SCUBE1: variants seen among roughly 807,000 people sequenced by gnomAD.
SCUBE1 encodes the protein signal peptide, CUB and EGF-like domain-containing protein 1.
Under a neutral mutation model 124.4 loss-of-function variants are expected in SCUBE1, and 59 were observed. That is an observed-to-expected ratio of 0.47 (90% CI 0.38 to 0.59). The LOEUF (loss-of-function observed/expected upper bound fraction) is 0.59, where lower values mean the gene tolerates loss of function less well. Among genes scored for constraint, SCUBE1 ranks in the 20% least tolerant of loss-of-function variants. The probability of loss-of-function intolerance (pLI) is 0.00; values close to 1 mark genes in which losing one functional copy is unlikely to be tolerated. For synonymous variants in SCUBE1, 545 were observed against 550.9 expected, an observed-to-expected ratio of 0.99 and a Z score of 0.15; for missense variants, 1,150 against 1,371.2, an observed-to-expected ratio of 0.84 and a Z score of 2.55.
chr22:43,246,326 G>A (rs534348778), intron 6 of SCUBE1, among the ~76,000 whole-genome samples: 1 of 152,306 alleles, frequency 6.6e-6, no homozygotes, highest in African/African-American at 2.4e-5. Flanking sequence ...CGTGCCCCAG[G>A]AGGCTTGGAG....
intron 8 of SCUBE1, 63 bp from the exon 9 acceptor site, chr22:43,229,251 C>T (rs1260858754): frequency 1.9e-6 from 2 of 1,063,050 alleles, no homozygotes; most frequent in East Asian, 2.4e-5. Context: ...GTGGGCACGG[C>T]CTGTCACTCT....
chr22:43,210,939 T>G lies in SCUBE1; in HGVS notation c.2366A>C (p.Asn789Thr), dbSNP rs753926942. Residue 789 changes from asparagine to threonine, a missense_variant, in exon 18 of 22, where the codon AAC (asparagine) becomes ACC (threonine). By Grantham distance (65) the Asn-to-Thr change is moderately conservative. Around this residue, in one of 3 missense-constraint regions of SCUBE1, gnomAD observed 757 missense variants for 840.9 expected, o/e 0.90. Coordinates refer to ENST00000360835, the MANE Select transcript of SCUBE1 (RefSeq NM_173050.5). The surrounding 1 kb of genome is among the most constrained non-coding windows in gnomAD (Gnocchi z 4.5). ...GCACCCACTTTTGCAGTGTGTGACG[T>G]TGGTGGAGCCATCGAAGTCTGTGCT... ...NTSTDFDGST[N>T]VTHCKNQHCG... is the part of the protein sequence containing the mutation. The G allele has an allele frequency of 1.2e-6, 2 of 1,612,992 alleles. No individual in the cohort carries two copies. Among genetic ancestry groups the G allele is most frequent in the Non-Finnish European group, 1.7e-6 (2 of 1,179,474 alleles).
chr22:43,321,037 C>T (rs1926527635), intron 2 of SCUBE1, among the ~76,000 whole-genome samples: 1 of 152,212 alleles, frequency 6.6e-6, no homozygotes, highest in Admixed American at 6.5e-5. Context: ...TCACCCTGAC[C>T]TCCAGAGGCT....
intron 6 of SCUBE1, among the ~76,000 whole-genome samples, chr22:43,257,875 C>T (rs1442509224): frequency 6.6e-6 from 1 of 152,204 alleles, no homozygotes; most frequent in Non-Finnish European, 1.5e-5. Context: ...GGTGCATACA[C>T]CTCCCTTCTC....
At chr22:43,261,025 C>T (rs1923852168) in intron 5 of SCUBE1, among the ~76,000 whole-genome samples, 1 of 152,274 alleles carries the variant, frequency 6.6e-6, no homozygotes, top group South Asian at 2.1e-4. Context: ...CCAGTTGGAG[C>T]AGGCCCTCGG....
At chr22:43,205,310 C>G (rs561947913) in intron 21 of SCUBE1, among the ~76,000 whole-genome samples, 1 of 152,074 alleles carries the variant, frequency 6.6e-6, no homozygotes, top group African/African-American at 2.4e-5. Context: ...GATGCAGTCC[C>G]CGCCCTCTCT....
intron 4 of SCUBE1, among the ~76,000 whole-genome samples, chr22:43,290,417 T>C (rs1925314056): frequency 6.6e-6 from 1 of 152,258 alleles, no homozygotes; most frequent in African/African-American, 2.4e-5. Flanking sequence ...ATCTGACCAC[T>C]GATGCCGTAA....
chr22:43,293,230 C>T (rs1925435610), intron 3 of SCUBE1, among the ~76,000 whole-genome samples: 1 of 152,262 alleles, frequency 6.6e-6, no homozygotes, highest in Non-Finnish European at 1.5e-5. Context: ...ACAAAGCAAA[C>T]ATCTGTGAGT....
At chr22:43,259,508 C>A (rs953208920) in intron 5 of SCUBE1, among the ~76,000 whole-genome samples, 3 of 152,196 alleles carry the variant, frequency 2.0e-5, no homozygotes, top group African/African-American at 7.2e-5. Context: ...AGAGGGAAGT[C>A]AACTGGTGGC....
intron 6 of SCUBE1, among the ~76,000 whole-genome samples, chr22:43,239,406 C>T (rs1388243822): frequency 6.6e-6 from 1 of 152,256 alleles, no homozygotes; most frequent in Non-Finnish European, 1.5e-5. Flanking sequence ...TACAGACTGG[C>T]TTGTGGCCCC....
chr22:43,291,032 T>C lies in SCUBE1; in HGVS notation c.484+14A>G, dbSNP rs749042162. 21 of 1,586,866 alleles carry C rather than the reference T, an allele frequency of 1.3e-5. No individual in the cohort carries two copies. The highest frequency in any genetic ancestry group is 1.7e-5 in the Non-Finnish European group (20 of 1,161,130). ...TGGGGGGGGACATGCCTGGTCAGCA[T>C]AGGCTGTACTCACCATTGGAGCGGT... On this transcript the variant is annotated intron_variant, in intron 4 of 21. Coordinates refer to ENST00000360835, the MANE Select transcript of SCUBE1 (RefSeq NM_173050.5).
intron 4 of SCUBE1, among the ~76,000 whole-genome samples, chr22:43,284,544 A>G (rs904097908): frequency 6.6e-6 from 1 of 152,252 alleles, no homozygotes; most frequent in African/African-American, 2.4e-5. Flanking sequence ...TCAGGCAGTC[A>G]GGAGCCCAGG....
chr22:43,303,332 C>T (rs1184659999), intron 3 of SCUBE1, among the ~76,000 whole-genome samples: 1 of 152,278 alleles, frequency 6.6e-6, no homozygotes, highest in African/African-American at 2.4e-5. Context: ...ATACCCTGAT[C>T]CCAGCCGCTT....
chr22:43,270,571 T>C (rs1924255877), intron 4 of SCUBE1: 1 of 152,260 alleles, frequency 6.6e-6, no homozygotes, highest in South Asian at 2.1e-4. Flanking sequence ...GCCGGGAACA[T>C]ACCCTGCAAA....
chr22:43,304,077 T>A (rs1925874654), intron 3 of SCUBE1, among the ~76,000 whole-genome samples: 1 of 152,190 alleles, frequency 6.6e-6, no homozygotes, highest in Non-Finnish European at 1.5e-5. Flanking sequence ...TTTAAGGGAT[T>A]ATTGCCTTCA....
At chr22:43,226,432 G>GT (rs564397777) in intron 10 of SCUBE1, among the ~76,000 whole-genome samples, 4 of 152,016 alleles carry the variant, frequency 2.6e-5, no homozygotes, top group Non-Finnish European at 4.4e-5. Context: ...GGTGTGGGGG[G>GT]GCCCTCCAGG....
chr22:43,267,516 A>G (rs1237323058), intron 4 of SCUBE1, among the ~76,000 whole-genome samples: 1 of 152,180 alleles, frequency 6.6e-6, no homozygotes, highest in East Asian at 1.9e-4. Flanking sequence ...GCACATGATA[A>G]AGGCTCTGAG....
At chr22:43,228,396 C>T (rs1922412093) in intron 9 of SCUBE1, among the ~76,000 whole-genome samples, 1 of 152,218 alleles carries the variant, frequency 6.6e-6, no homozygotes, top group Non-Finnish European at 1.5e-5. Flanking sequence ...CTGGATTCCA[C>T]TCTCCTTTCC....
At chr22:43,328,779 T>C (rs1038312625) in intron 2 of SCUBE1, among the ~76,000 whole-genome samples, 1 of 152,138 alleles carries the variant, frequency 6.6e-6, no homozygotes, top group African/African-American at 2.4e-5. Flanking sequence ...CTCTCCATTG[T>C]AATAAAAATA....
Sources: allele counts gnomAD v4.1 joint callset (sites outside exome capture counted in the v4.1 genomes callset), GRCh38; gene constraint gnomAD v4.1.1; regional missense constraint gnomAD v4.1.1; non-coding constraint Gnocchi (gnomAD v3.1); transcripts MANE v1.5; gene names NCBI Gene and HGNC (gene_info 2026-07-23, HGNC 2026-07-21).